Variants in CCDC171 observed in about 807,000 individuals in gnomAD.
CCDC171 encodes the protein coiled-coil domain containing 171, also known as coiled-coil domain-containing protein 171.
CCDC171 carries 177 observed loss-of-function variants against 168.2 expected under a neutral mutation model. The observed-to-expected ratio is 1.05, with a 90% CI of 0.93 to 1.19. The LOEUF is 1.19. CCDC171 is among the 50% of genes most tolerant of loss of function. The probability of loss-of-function intolerance (pLI) is 0.00; values close to 1 mark genes in which losing one functional copy is unlikely to be tolerated. For synonymous variants in CCDC171, 687 were observed against 540.8 expected (o/e 1.27, Z -3.75); for missense variants, 1,991 against 1,539.0 (o/e 1.29, Z -4.91).
intron 4 of CCDC171, among the ~76,000 whole-genome samples, chr9:15,581,180 A>T (rs1563980164): frequency 6.6e-6 from 1 of 152,210 alleles, no homozygotes. Flanking sequence ...TCCCATTCAC[A>T]ATTGCTACAA....
Position 15,727,824 on chromosome 9 carries a change from A to G in CCDC171, c.1693-45A>G, listed in dbSNP as rs757592309. On this transcript the variant is annotated intron_variant, in intron 14 of 25. Transcript: ENST00000380701. ...TAGTATTATGTATTTTACTTCTTACAATGTTTATATACAGCAATTAATTTT... is the reference window on the plus strand; with the variant it reads ...TAGTATTATGTATTTTACTTCTTACGATGTTTATATACAGCAATTAATTTT... The G allele has an allele frequency of 4.7e-6, 7 of 1,482,830 alleles. No homozygotes were observed. In the African/African-American group the frequency reaches 8.4e-5, roughly 18 times the overall value. 91.9% of individuals were successfully genotyped at this position (1,482,830 alleles called of 1,614,324 possible). A position where few individuals can be genotyped will look rare whatever the true frequency, so the allele number is the denominator to read the frequency against.
intron 9 of CCDC171, among the ~76,000 whole-genome samples, chr9:15,669,077 C>T (rs1393316908): frequency 6.6e-6 from 1 of 152,102 alleles, no homozygotes; most frequent in Non-Finnish European, 1.5e-5. Context: ...GCTTCTGTTT[C>T]TTGCCAGGCA....
At chr9:16,006,639 T>C (rs973596619) in intron 3 of CCDC171, among the ~76,000 whole-genome samples, 1 of 149,688 alleles carries the variant, frequency 6.7e-6, no homozygotes, top group Non-Finnish European at 1.5e-5. Flanking sequence ...TGTCCATGTG[T>C]TCTCATTGTT....
chr9:15,897,945 A>G (rs772728706), intron 24 of CCDC171, among the ~76,000 whole-genome samples: 1 of 152,140 alleles, frequency 6.6e-6, no homozygotes, highest in African/African-American at 2.4e-5. Flanking sequence ...ACTGGGTGAC[A>G]CTGGACAAGG....
At chr9:15,763,072 T>C (rs1288676794) in intron 18 of CCDC171, among the ~76,000 whole-genome samples, 1 of 152,160 alleles carries the variant, frequency 6.6e-6, no homozygotes, top group Non-Finnish European at 1.5e-5. Context: ...GAACAACTCA[T>C]AGAACTCAGG....
At chr9:15,698,978 C>G (rs989809971) in intron 11 of CCDC171, among the ~76,000 whole-genome samples, 3 of 152,114 alleles carry the variant, frequency 2.0e-5, no homozygotes, top group Non-Finnish European at 4.4e-5. Context: ...GATTTTCTTT[C>G]CTTTGGATAA....
intron 1 of CCDC171, among the ~76,000 whole-genome samples, chr9:16,048,048 A>G (rs546916350): frequency 1.3e-5 from 2 of 152,232 alleles, no homozygotes; most frequent in East Asian, 3.8e-4. Flanking sequence ...GCTCAAAGGG[A>G]TGGCCCTCAG....
rs76047236 is a variant in CCDC171 at position 16,043,293 on chromosome 9, C to G, written n.89+407C>G. Among the ~76,000 whole-genome samples, 9 of 151,952 alleles carry G rather than the reference C, an allele frequency of 5.9e-5. No homozygotes were observed. In the East Asian group the frequency reaches 1.7e-3, roughly 29 times the overall value. On this transcript the variant is annotated intron_variant and non_coding_transcript_variant, in intron 1 of 1. Transcript: ENST00000478913. The stretch of plus-strand genomic sequence containing the variant: ...TATTATATATTTTTGTGTGTTAATG[C>G]CATTAGTGTATCCTTGTTCTTATAT...
At chr9:15,620,628 A>C (rs1015544328) in intron 6 of CCDC171, among the ~76,000 whole-genome samples, 2 of 152,234 alleles carry the variant, frequency 1.3e-5, no homozygotes, top group Non-Finnish European at 2.9e-5. Flanking sequence ...TACTGAAATG[A>C]CAGCAAAAGA....
At position 15,563,969 on chromosome 9, in the gene CCDC171, T is replaced by C; in HGVS notation, c.-111-9T>C. 1.4e-6 allele frequency: 1 copy of C among 736,794 alleles called. No homozygotes were observed. Among genetic ancestry groups the C allele is most frequent in the Non-Finnish European group, 2.3e-6 (1 of 428,228 alleles). The allele number at this position is 736,794 out of a possible 1,614,324, so 45.6% of individuals were successfully genotyped here. ...CAAACTGCTATTGTATCATTTACTA[T>C]TTTAACAGACCTCAAATCATCTAAC... is the stretch of plus-strand genomic sequence containing the variant. On this transcript the variant is annotated splice_polypyrimidine_tract_variant and intron_variant, in intron 1 of 25. Transcript: ENST00000380701.
intron 1 of CCDC171, among the ~76,000 whole-genome samples, chr9:16,055,428 A>G (rs1833823642): frequency 6.6e-6 from 1 of 152,052 alleles, no homozygotes; most frequent in African/African-American, 2.4e-5. Flanking sequence ...TCATGTGAAG[A>G]GGAAGAGGAG....
At chr9:16,082,819 G>A in the CCDC171 span, among the ~76,000 whole-genome samples, 1 of 152,128 alleles carries the variant, frequency 6.6e-6, no homozygotes, top group Non-Finnish European at 1.5e-5. Context: ...CCATTTTTCC[G>A]AGAAAGCTTT....
At chr9:15,632,652 A>G (rs1317939185) in intron 7 of CCDC171, among the ~76,000 whole-genome samples, 2 of 152,222 alleles carry the variant, frequency 1.3e-5, no homozygotes, top group Non-Finnish European at 2.9e-5. Context: ...GACTTTCTTC[A>G]CAGAATTGGA....
intron 6 of CCDC171, among the ~76,000 whole-genome samples, chr9:15,616,230 G>A (rs2044073477): frequency 6.6e-6 from 1 of 152,112 alleles, no homozygotes; most frequent in Non-Finnish European, 1.5e-5. Flanking sequence ...GGGATTACAG[G>A]TGTGAGCCAC....
intron 6 of CCDC171, among the ~76,000 whole-genome samples, chr9:15,598,888 C>G (rs908148725): frequency 1.3e-5 from 2 of 152,084 alleles, no homozygotes; most frequent in Non-Finnish European, 2.9e-5. Context: ...GAATTGATCC[C>G]TTTACCATTA....
At chr9:15,746,967 G>A (rs118183303) in intron 18 of CCDC171, among the ~76,000 whole-genome samples, 1,581 of 152,282 alleles carry the variant, frequency 0.01, 14 homozygotes, top group Admixed American at 0.017. Context: ...CTGGCTCGGC[G>A]GGTCCCATGC....
chr9:15,811,602 CTT>C (rs1156705836), intron 21 of CCDC171, among the ~76,000 whole-genome samples: 1 of 152,098 alleles, frequency 6.6e-6, no homozygotes, highest in Non-Finnish European at 1.5e-5. Flanking sequence ...ACCTTACTAA[CTT>C]TAAGTAAGTG....
chr9:15,687,995 T>G (rs1438355447), intron 10 of CCDC171, among the ~76,000 whole-genome samples: 2 of 151,858 alleles, frequency 1.3e-5, no homozygotes, highest in African/African-American at 4.8e-5. Flanking sequence ...GGCGCATGCC[T>G]GTAGTCCCAG....
At chr9:15,903,706 G>A (rs1387227161) in intron 24 of CCDC171, among the ~76,000 whole-genome samples, 1 of 152,226 alleles carries the variant, frequency 6.6e-6, no homozygotes, top group African/African-American at 2.4e-5. Flanking sequence ...AGAGAAGAAG[G>A]CTTCAGACGA....
Sources: gnomAD v4.1 joint callset for allele counts (sites outside exome capture counted in the v4.1 genomes callset) on GRCh38, gnomAD v4.1.1 for gene constraint, MANE v1.5 for transcripts, NCBI Gene and HGNC (gene_info 2026-07-23, HGNC 2026-07-21) for gene names.